HSPG2: variants seen among roughly 807,000 people sequenced by gnomAD.
The protein encoded by HSPG2 is heparan sulfate proteoglycan 2, also known as basement membrane-specific heparan sulfate proteoglycan core protein.
Under a neutral mutation model 526.6 loss-of-function variants are expected in HSPG2, and 278 were observed. That is an observed-to-expected ratio of 0.53 (90% CI 0.48 to 0.58). The LOEUF (loss-of-function observed/expected upper bound fraction) is 0.58, where lower values mean the gene tolerates loss of function less well. Among genes scored for constraint, HSPG2 ranks in the 20% least tolerant of loss-of-function variants. HSPG2 has a pLI of 0.00. For synonymous variants in HSPG2, 2,465 were observed against 2,555.4 expected (o/e 0.96, Z 1.07); for missense variants, 5,354 against 6,099.5 (o/e 0.88, Z 4.07).
At chr1:21,922,572 A>C (rs1569625399) in intron 1 of HSPG2, among the ~76,000 whole-genome samples, 1 of 152,108 alleles carries the variant, frequency 6.6e-6, no homozygotes, top group East Asian at 1.9e-4. Context: ...TATGAAGTAA[A>C]GGTGGCCCCT....
rs1572121342 is a variant in HSPG2, at chr1:21,823,143, C to T, written c.*173G>A. On this transcript the variant is annotated 3_prime_UTR_variant, in exon 97 of 97. Coordinates refer to ENST00000374695, the MANE Select transcript of HSPG2 (RefSeq NM_005529.7). ...TGCTGGCCAGCCTTGTGGCTTTGCCCAGCTGTGTGTGTGAGGGTGGCATGC... is the reference window on the plus strand; with the variant it reads ...TGCTGGCCAGCCTTGTGGCTTTGCCTAGCTGTGTGTGTGAGGGTGGCATGC... 1 of 617,678 alleles carries T rather than the reference C, an allele frequency of 1.6e-6. No individual in the cohort carries two copies. The allele number at this position is 617,678 out of a possible 1,614,324, so 38.3% of individuals were successfully genotyped here. A position where few individuals can be genotyped will look rare whatever the true frequency, so the allele number is the denominator to read the frequency against.
At chr1:21,879,645 G>A (rs2445137) in intron 17 of HSPG2, among the ~76,000 whole-genome samples, 142,703 of 151,764 alleles carry the variant, frequency 0.94, 67,730 homozygotes, top group East Asian at 1. Context: ...TCTGGATGCT[G>A]TATCTCTGGG....
intron 1 of HSPG2, among the ~76,000 whole-genome samples, chr1:21,896,537 C>T (rs900728616): frequency 1.3e-5 from 2 of 152,154 alleles, no homozygotes; most frequent in Non-Finnish European, 2.9e-5. Flanking sequence ...CTGCTATTTC[C>T]GAATGAATCC....
intron 17 of HSPG2, 72 bp downstream of exon 17, chr1:21,880,035 A>G: frequency 1.9e-6 from 3 of 1,561,456 alleles, no homozygotes; most frequent in South Asian, 1.1e-5. Flanking sequence ...TGCTGAGCTC[A>G]TGAACACAGG....
rs1638759956 is a variant in HSPG2 at position 21,849,985 on chromosome 1, T to C, written c.7446+56A>G. ...GAGCCACTGCGCCCGGTCAAGCCTA[T>C]GCTCTTGTACTGCAGCTACAGGGTC... On this transcript the variant is annotated intron_variant, in intron 57 of 96. Transcript: ENST00000374695. 3.1e-6 allele frequency: 5 copies of C among 1,607,902 alleles called. No individual in the cohort carries two copies. In the East Asian group the frequency reaches 8.9e-5, roughly 29 times the overall value.
chr1:21,835,302 T>C (rs1338262002), intron 76 of HSPG2: 1 of 604,120 alleles, frequency 1.7e-6, no homozygotes, highest in East Asian at 2.8e-5. Context: ...ACTGATTCAA[T>C]CTTCATCGGT....
chr1:21,825,363 C>G (rs890646088), intron 91 of HSPG2: 2 of 171,968 alleles, frequency 1.2e-5, no homozygotes, highest in Admixed American at 5.5e-5. Flanking sequence ...TGGCTTTAGC[C>G]CTGAAAGTCC....
chr1:21,856,034 G>C, intron 44 of HSPG2, 122 bp from the exon 45 acceptor site: 1 of 1,309,476 alleles, frequency 7.6e-7, no homozygotes, highest in Non-Finnish European at 1.0e-6. Flanking sequence ...TGTGCACACA[G>C]GAGCCAGAGG....
chr1:21,854,915 G>C lies in HSPG2; in HGVS notation c.6066C>G (p.Phe2022Leu). 1 of 1,614,164 alleles carries C rather than the reference G, an allele frequency of 6.2e-7. No homozygotes were observed. The highest frequency in any genetic ancestry group is 8.5e-7 in the Non-Finnish European group (1 of 1,180,046). ...CAGGGCTGGTGGCCACGCAGAGGTA[G>C]AAGCCGGCGTCAGCAGTCGTGATGG... ...IPAITTADAG[F>L]YLCVATSPAG... Residue 2022 changes from phenylalanine to leucine, a missense_variant, in exon 48 of 97, where the codon TTC becomes TTG. Phe to Leu is a conservative substitution (Grantham distance 22, BLOSUM62 0). Coordinates refer to ENST00000374695, the MANE Select transcript of HSPG2 (RefSeq NM_005529.7).
Position 21,890,705 on chromosome 1 carries a change from G to T in HSPG2, c.245-11C>A. 1 of 1,597,522 alleles carries T rather than the reference G, an allele frequency of 6.3e-7. No individual in the cohort carries two copies. ...GGGCTCGGAAATAAACTGGAAAATC[G>T]AAGGAGGATCATTTTGAGAGCCCCA... On this transcript the variant is annotated splice_polypyrimidine_tract_variant and intron_variant, in intron 3 of 96. Coordinates refer to ENST00000374695, the MANE Select transcript of HSPG2 (RefSeq NM_005529.7). The surrounding 1 kb of genome is among the most constrained non-coding windows in gnomAD (Gnocchi z 4.1).
At position 21,887,192 on chromosome 1, in the gene HSPG2, C is replaced by A. The variant is rs369524828; in HGVS notation, c.1078+23G>T. ...CGGCCTGGGCAGGGCAAGGGGGCCT[C>A]AGCTGGACCCTCGGATACTCACGGC... On this transcript the variant is annotated intron_variant, in intron 9 of 96. Transcript: ENST00000374695. This position sits in a 1 kb window ranked among gnomAD's most constrained non-coding sequence, Gnocchi z 5.0. The A allele has an allele frequency of 6.3e-7, 1 of 1,593,180 alleles. No homozygotes were observed. Among genetic ancestry groups the A allele is most frequent in the African/African-American group, 1.4e-5 (1 of 73,706 alleles).
intron 33 of HSPG2, among the ~76,000 whole-genome samples, chr1:21,866,071 G>A (rs1488010490): frequency 1.3e-5 from 2 of 152,182 alleles, no homozygotes; most frequent in Non-Finnish European, 2.9e-5. Context: ...CCCATTGCCT[G>A]ACGGTGCCGG....
In HSPG2 at chr1:21,824,845, C is replaced by T; in HGVS notation, c.12590-66G>A. 23 of 1,426,212 alleles carry T rather than the reference C, an allele frequency of 1.6e-5. No individual in the cohort carries two copies. The highest frequency in any genetic ancestry group is 2.1e-5 in the Non-Finnish European group (22 of 1,030,030). 88.3% of individuals were successfully genotyped at this position (1,426,212 alleles called of 1,614,324 possible). On this transcript the variant is annotated intron_variant, in intron 91 of 96. Transcript: ENST00000374695. This position sits in a 1 kb window ranked among gnomAD's most constrained non-coding sequence, Gnocchi z 5.9. ...GGCATCAAAATCCCCCGTCAGTTCC[C>T]CTGACCCCCACCTCCACGCCAACAT... is the stretch of plus-strand genomic sequence containing the variant.
chr1:21,876,183 G>C lies in HSPG2; in HGVS notation c.3003+46C>G, dbSNP rs549760027. The C allele has an allele frequency of 8.2e-6, 13 of 1,577,058 alleles. No homozygotes were observed. In the African/African-American group the frequency reaches 1.5e-4, roughly 18 times the overall value. On this transcript the variant is annotated intron_variant, in intron 23 of 96. Transcript: ENST00000374695. ...CCGCCTCCAAGCCTTTGCCTGCGCT[G>C]TTCCTGCTGCCTGGAGTTTCCTTTG...
At chr1:21,902,322 C>T (rs548084196) in intron 1 of HSPG2, among the ~76,000 whole-genome samples, 57 of 152,314 alleles carry the variant, frequency 3.7e-4, no homozygotes, top group African/African-American at 1.4e-3. Flanking sequence ...GCAGGAACTT[C>T]ACCAGCCAGT....
At chr1:21,862,142 C>G (rs1349420661) in intron 37 of HSPG2, 27 bp from the exon 38 acceptor site, 1 of 1,609,296 alleles carries the variant, frequency 6.2e-7, no homozygotes, top group Non-Finnish European at 8.5e-7. Context: ...GGGCAGGCAC[C>G]AGCCATTAGG....
chr1:21,852,825 C>T lies in HSPG2; in HGVS notation c.6599G>A (p.Gly2200Asp), dbSNP rs1324666287. The change falls in exon 52 of 97, where the codon GGC becomes GAC. Residue 2200 changes from glycine to aspartate, a missense_variant. Coordinates refer to ENST00000374695, the MANE Select transcript of HSPG2 (RefSeq NM_005529.7). Reference sequence around the variant, plus strand: ...CACCTGGTGCAGCCGCAGCAGCGAGCCGTGGGTCTGTGTGCAAATGGGGTG... The same window carrying T: ...CACCTGGTGCAGCCGCAGCAGCGAGTCGTGGGTCTGTGTGCAAATGGGGTG... ...GSLPARHQTH[G>D]SLLRLHQVTP... The T allele has an allele frequency of 1.9e-6, 3 of 1,612,148 alleles. No individual in the cohort carries two copies. The South Asian group carries it at 3.3e-5, about 18-fold the overall frequency.
chr1:21,847,352 A>T lies in HSPG2; in HGVS notation c.8164+2T>A, dbSNP rs765239093. On this transcript the variant is annotated splice_donor_variant, in intron 62 of 96. Coordinates refer to ENST00000374695, the MANE Select transcript of HSPG2 (RefSeq NM_005529.7). LOFTEE classifies it high-confidence loss of function. This position sits in a 1 kb window ranked among gnomAD's most constrained non-coding sequence, Gnocchi z 4.1. ...CCTCGTCCCTTTCCTAGGCAGACTC[A>T]CCGGAGGGGCTGCCGGCGCTAGGGG... 6.2e-7 allele frequency: 1 copy of T among 1,613,856 alleles called. No homozygotes were observed. The highest frequency in any genetic ancestry group is 8.5e-7 in the Non-Finnish European group (1 of 1,179,976).
Position 21,880,566 on chromosome 1 carries a change from A to G in HSPG2, c.1999-7T>C. 1.2e-6 allele frequency: 2 copies of G among 1,613,024 alleles called. No individual in the cohort carries two copies. The highest frequency in any genetic ancestry group is 1.7e-6 in the Non-Finnish European group (2 of 1,179,708). On this transcript the variant is annotated splice_region_variant and splice_polypyrimidine_tract_variant and intron_variant, in intron 15 of 96. Transcript: ENST00000374695. ...ACTCATGGACCCAGTGCTCCTGGGT[A>G]TGGGTGAAGGTGGCAGGGGTCACAC... is the stretch of plus-strand genomic sequence containing the variant.
Sources: gnomAD v4.1 joint callset for allele counts (sites outside exome capture counted in the v4.1 genomes callset) on GRCh38, gnomAD v4.1.1 for gene constraint, Gnocchi (gnomAD v3.1) non-coding constraint, MANE v1.5 for transcripts, NCBI Gene and HGNC (gene_info 2026-07-23, HGNC 2026-07-21) for gene names.